Variants in GRM5 observed in about 807,000 individuals in gnomAD.
The protein encoded by GRM5 is glutamate metabotropic receptor 5, also known as metabotropic glutamate receptor 5.
In GRM5, 19 loss-of-function variants were observed where a neutral mutation model predicts 83.1. The observed-to-expected ratio is 0.23, with a 90% CI of 0.16 to 0.34. GRM5 has a LOEUF of 0.34. Ranked by LOEUF, GRM5 falls within the 10% of genes least tolerant of loss-of-function variation. The pLI is 1.00. For missense variants in GRM5, 1,160 were observed against 1,588.3 expected (o/e 0.73, Z 4.58); for synonymous variants, 675 against 633.6 (o/e 1.07, Z -0.98).
rs557312645 is a variant in GRM5 at position 88,657,988 on chromosome 11, G to A, written c.912-4585C>T. ...TGGGACATACCAATCTTGTAGAGCA[G>A]GAGTCCCCAAACCCCAGGTTTCAGA... On this transcript the variant is annotated intron_variant, in intron 3 of 9. Transcript: ENST00000305447. Among the ~76,000 whole-genome samples the A allele has an allele frequency of 5.3e-5, 8 of 152,194 alleles. No individual in the cohort carries two copies. The South Asian group carries it at 1.7e-3, about 32-fold the overall frequency.
intron 9 of GRM5, among the ~76,000 whole-genome samples, chr11:88,522,588 G>GCTCTCT (rs1171853966): frequency 6.7e-5 from 9 of 134,438 alleles, no homozygotes; most frequent in South Asian, 2.5e-4. Context: ...TCTCTCTCTC[G>GCTCTCT]CTCTCTCTCT....
At chr11:88,891,044 C>T (rs316112) in intron 2 of GRM5, among the ~76,000 whole-genome samples, 146,476 of 152,162 alleles carry the variant, frequency 0.96, 70,548 homozygotes, top group East Asian at 0.99. Context: ...TTTTCATAAA[C>T]TGAGCATTGA....
intron 8 of GRM5, among the ~76,000 whole-genome samples, chr11:88,555,796 A>G (rs878986857): frequency 6.6e-6 from 1 of 152,178 alleles, no homozygotes; most frequent in African/African-American, 2.4e-5. Flanking sequence ...CATGAAAAAC[A>G]TAAGCGCACA....
chr11:88,769,067 G>T (rs1402169128), intron 3 of GRM5, among the ~76,000 whole-genome samples: 2 of 152,024 alleles, frequency 1.3e-5, no homozygotes, highest in South Asian at 4.1e-4. Context: ...TAAGTACTGC[G>T]CTCTAGTCAA....
chr11:88,816,787 T>C (rs1357598356), intron 3 of GRM5, among the ~76,000 whole-genome samples: 1 of 134,450 alleles, frequency 7.4e-6, no homozygotes, highest in Non-Finnish European at 1.6e-5. Context: ...GAATAACCAA[T>C]ATGAGTTTTT....
At chr11:88,872,887 G>A (rs1944792982) in intron 2 of GRM5, among the ~76,000 whole-genome samples, 1 of 150,254 alleles carries the variant, frequency 6.7e-6, no homozygotes, top group South Asian at 2.1e-4. Context: ...ATATGTAAAT[G>A]AAATTCTTCA....
At chr11:88,889,395 G>T (rs1431439166) in intron 2 of GRM5, among the ~76,000 whole-genome samples, 1 of 152,034 alleles carries the variant, frequency 6.6e-6, no homozygotes, top group Non-Finnish European at 1.5e-5. Context: ...CTCTTTCACT[G>T]TCTCAGTCAC....
chr11:88,851,361 A>G (rs1341219516), intron 2 of GRM5, among the ~76,000 whole-genome samples: 3 of 152,184 alleles, frequency 2.0e-5, no homozygotes, highest in East Asian at 1.9e-4. Flanking sequence ...TTAAAAATCA[A>G]CTTGACCTAG....
chr11:89,023,505 T>C (rs1471065049), intron 2 of GRM5, among the ~76,000 whole-genome samples: 1 of 152,030 alleles, frequency 6.6e-6, no homozygotes, highest in Non-Finnish European at 1.5e-5. Context: ...TGTCCAGCCA[T>C]GCGTGTTCAT....
intron 1 of GRM5, among the ~76,000 whole-genome samples, chr11:89,053,300 T>A (rs1941797958): frequency 1.3e-5 from 2 of 152,258 alleles, no homozygotes; most frequent in South Asian, 4.1e-4. Context: ...ATGAGGCAGA[T>A]ATTAGCTATG....
intron 2 of GRM5, among the ~76,000 whole-genome samples, chr11:88,890,671 G>T (rs1590942549): frequency 6.6e-6 from 1 of 152,074 alleles, no homozygotes; most frequent in South Asian, 2.1e-4. Flanking sequence ...AATGTTCAAA[G>T]GTTGTATACT....
intron 4 of GRM5, among the ~76,000 whole-genome samples, chr11:88,646,830 A>G (rs1241589583): frequency 6.6e-6 from 1 of 151,332 alleles, no homozygotes; most frequent in Non-Finnish European, 1.5e-5. Flanking sequence ...TTCTGACTGC[A>G]AAATTCAGTT....
At chr11:88,613,079 A>G (rs1440890091) in intron 4 of GRM5, among the ~76,000 whole-genome samples, 1 of 152,020 alleles carries the variant, frequency 6.6e-6, no homozygotes, top group Non-Finnish European at 1.5e-5. Context: ...TATGATGTCA[A>G]TTTCTTTGAA....
intron 2 of GRM5, among the ~76,000 whole-genome samples, chr11:88,902,950 C>CAAAAAAAAAAAAAAAA (rs201996144): frequency 4.8e-5 from 3 of 61,920 alleles, no homozygotes; most frequent in African/African-American, 1.1e-4. Flanking sequence ...GACTCCATCT[C>CAAAAAAAAAAAAAAAA]AAAAAAAAAA....
At chr11:88,967,767 G>A (rs1400263309) in intron 2 of GRM5, among the ~76,000 whole-genome samples, 1 of 152,064 alleles carries the variant, frequency 6.6e-6, no homozygotes, top group Admixed American at 6.6e-5. Flanking sequence ...GATGCATGTT[G>A]AGAATTGAGT....
At chr11:88,878,964 G>A (rs1203727357) in intron 2 of GRM5, among the ~76,000 whole-genome samples, 12 of 152,090 alleles carry the variant, frequency 7.9e-5, no homozygotes, top group Non-Finnish European at 1.2e-4. Flanking sequence ...GCAATTTGGC[G>A]GAGGGGTTGA....
At chr11:88,692,605 G>T (rs567253522) in intron 3 of GRM5, among the ~76,000 whole-genome samples, 1 of 152,228 alleles carries the variant, frequency 6.6e-6, no homozygotes, top group Admixed American at 6.5e-5. Flanking sequence ...AAAATGCTAG[G>T]TGTTAAATTC....
intron 2 of GRM5, among the ~76,000 whole-genome samples, chr11:88,990,495 C>G (rs1272349668): frequency 6.7e-6 from 1 of 148,748 alleles, no homozygotes; most frequent in East Asian, 2.0e-4. Flanking sequence ...AGAGGGAATC[C>G]TCCCTAACTC....
chr11:88,745,237 A>G (rs951957532), intron 3 of GRM5, among the ~76,000 whole-genome samples: 5 of 130,680 alleles, frequency 3.8e-5, no homozygotes, highest in Non-Finnish European at 7.9e-5. Flanking sequence ...GTTCTGTTCT[A>G]TCACCCAGGC....
Sources: gnomAD v4.1 joint callset for allele counts (sites outside exome capture counted in the v4.1 genomes callset) on GRCh38, gnomAD v4.1.1 for gene constraint, MANE v1.5 for transcripts, NCBI Gene and HGNC (gene_info 2026-07-23, HGNC 2026-07-21) for gene names.